The following AOPEP variants were observed in gnomAD, a reference collection of about 807,000 sequenced individuals.
AOPEP encodes the protein aminopeptidase O (putative), also known as aminopeptidase O.
In AOPEP, 77 loss-of-function variants were observed where a neutral mutation model predicts 98.1. The ratio of observed to expected loss-of-function variants is 0.78; its 90% CI spans 0.65 to 0.95. The LOEUF (loss-of-function observed/expected upper bound fraction) is 0.95. AOPEP is among the 40% of genes least tolerant of loss of function. The pLI is 0.00. For synonymous variants in AOPEP, 346 were observed against 365.3 expected (o/e 0.95, Z 0.60); for missense variants, 1,024 against 1,024.7 (o/e 1.00, Z 0.01).
chr9:95,105,773 C>T, the AOPEP span, among the ~76,000 whole-genome samples: 11 of 152,368 alleles, frequency 7.2e-5, no homozygotes, highest in East Asian at 1.3e-3. Context: ...ACAGTGTCTT[C>T]CAGGTTCATT....
At chr9:94,964,245 G>C (rs1333161782) in intron 9 of AOPEP, among the ~76,000 whole-genome samples, 1 of 152,196 alleles carries the variant, frequency 6.6e-6, no homozygotes, top group Non-Finnish European at 1.5e-5. Flanking sequence ...GTTGCCTGCA[G>C]GCCTGAGCTC....
chr9:95,144,316 C>G, the AOPEP span, among the ~76,000 whole-genome samples: 5 of 152,316 alleles, frequency 3.3e-5, no homozygotes, highest in African/African-American at 1.2e-4. Context: ...GAAGACCACC[C>G]AGCACTTCTG....
At chr9:95,077,179 TTA>T (rs1375697245) in intron 14 of AOPEP, among the ~76,000 whole-genome samples, 7 of 151,980 alleles carry the variant, frequency 4.6e-5, no homozygotes, top group African/African-American at 1.7e-4. Flanking sequence ...GGAGCCCAGG[TTA>T]TGTGTTTCTC....
chr9:95,099,516 G>C, the AOPEP span: 1 of 229,336 alleles, frequency 4.4e-6, no homozygotes, highest in Admixed American at 5.7e-5. Context: ...GCAACAAGAG[G>C]GGGAGGTGGG....
At chr9:94,764,811 A>T (rs1839182726) in intron 2 of AOPEP, among the ~76,000 whole-genome samples, 1 of 152,134 alleles carries the variant, frequency 6.6e-6, no homozygotes, top group East Asian at 1.9e-4. Context: ...TAATAGGGAA[A>T]GCTGAGTATG....
At chr9:94,745,800 G>A (rs577568746) in intron 1 of AOPEP, among the ~76,000 whole-genome samples, 1 of 152,204 alleles carries the variant, frequency 6.6e-6, no homozygotes, top group East Asian at 1.9e-4. Flanking sequence ...GCCAAATCTT[G>A]GCTATTGTGA....
chr9:94,858,981 T>C (rs1315882640), intron 5 of AOPEP, among the ~76,000 whole-genome samples: 2 of 149,150 alleles, frequency 1.3e-5, no homozygotes, highest in African/African-American at 5.0e-5. Flanking sequence ...TGAGCCAAGA[T>C]TGCAGCACTG....
In AOPEP at chr9:94,979,751, G is replaced by T. The variant is rs188076128; in HGVS notation, c.1977+324G>T. ...AACAGTTCCATGCCCCGTGGGGCAGGTGGTGGGGGGGCAGGTGGCAGGGGA... is the reference window on the plus strand; with the variant it reads ...AACAGTTCCATGCCCCGTGGGGCAGTTGGTGGGGGGGCAGGTGGCAGGGGA... On this transcript the variant is annotated intron_variant, in intron 11 of 16. Transcript: ENST00000375315. 4.1e-5 allele frequency among the ~76,000 whole-genome samples: 6 copies of T among 148,038 alleles called. No individual in the cohort carries two copies. The East Asian group carries it at 1.2e-3, about 29-fold the overall frequency.
chr9:94,767,359 G>A (rs967313832), intron 2 of AOPEP, among the ~76,000 whole-genome samples: 67 of 152,184 alleles, frequency 4.4e-4, no homozygotes, highest in Non-Finnish European at 8.8e-5. Flanking sequence ...AGGATGGACT[G>A]TATCAGTCTC....
chr9:95,129,770 C>T, the AOPEP span, among the ~76,000 whole-genome samples: 1 of 152,124 alleles, frequency 6.6e-6, no homozygotes, highest in Non-Finnish European at 1.5e-5. Context: ...TTGTCCTTCC[C>T]TCCTTATCTC....
chr9:94,794,466 C>T (rs1017525802), intron 4 of AOPEP, among the ~76,000 whole-genome samples: 23 of 152,268 alleles, frequency 1.5e-4, no homozygotes, highest in Admixed American at 5.2e-4. Flanking sequence ...TGTCATGCTG[C>T]TTTTACTAGT....
chr9:94,976,530 T>C (rs890192252), intron 10 of AOPEP, among the ~76,000 whole-genome samples: 6 of 152,228 alleles, frequency 3.9e-5, no homozygotes, highest in Non-Finnish European at 8.8e-5. Context: ...TTTACCTCCC[T>C]TGTGGGCTCT....
intron 9 of AOPEP, among the ~76,000 whole-genome samples, chr9:94,965,534 G>C (rs1429250129): frequency 6.6e-6 from 1 of 152,216 alleles, no homozygotes. Context: ...TCATACAAAT[G>C]GTTTGCAGAT....
At chr9:94,878,860 A>G (rs759785870) in intron 5 of AOPEP, among the ~76,000 whole-genome samples, 1 of 152,234 alleles carries the variant, frequency 6.6e-6, no homozygotes. Flanking sequence ...TTATCAAGAC[A>G]GGGGAATTGC....
At chr9:95,005,482 G>C (rs1400907273) in intron 12 of AOPEP, 60 bp from the exon 13 acceptor site, 3 of 1,484,264 alleles carry the variant, frequency 2.0e-6, no homozygotes, top group Non-Finnish European at 2.8e-6. Context: ...TTCTCGCGCT[G>C]GGGGATGGCC....
Position 94,731,790 on chromosome 9 carries a change from CTTTT to C in AOPEP, c.-136+5059_-136+5062del, listed in dbSNP as rs564831468. ...TTTTCCCTAGTCTGTTCTCTTTTGC[CTTTT>C]TTTTTTTTTTTTTTTTTTTGAGACG... On this transcript the variant is annotated intron_variant, in intron 1 of 16. Coordinates refer to ENST00000375315, the MANE Select transcript of AOPEP (RefSeq NM_001193329.3). 6.4e-4 allele frequency among the ~76,000 whole-genome samples: 55 copies of C among 86,270 alleles called. No individual in the cohort carries two copies. The East Asian group carries it at 0.013, about 21-fold the overall frequency. The allele number at this position is 86,270 out of a possible 152,430, so 56.6% of individuals were successfully genotyped here.
At chr9:94,944,303 T>C (rs1215072619) in intron 7 of AOPEP, among the ~76,000 whole-genome samples, 5 of 152,206 alleles carry the variant, frequency 3.3e-5, no homozygotes, top group African/African-American at 1.2e-4. Context: ...AACAGTATTA[T>C]TCATCATAGC....
intron 5 of AOPEP, among the ~76,000 whole-genome samples, chr9:94,914,210 G>GA (rs1361666478): frequency 6.6e-6 from 1 of 152,106 alleles, no homozygotes; most frequent in South Asian, 2.1e-4. Context: ...TGATAAGAAG[G>GA]AAAAAAACCA....
At chr9:94,960,881 G>A (rs546339734) in intron 9 of AOPEP, among the ~76,000 whole-genome samples, 2 of 152,110 alleles carry the variant, frequency 1.3e-5, no homozygotes, top group Non-Finnish European at 2.9e-5. Context: ...GCGCGGTGGG[G>A]GGCGCCTGTA....
Sources: allele counts gnomAD v4.1 joint callset (sites outside exome capture counted in the v4.1 genomes callset), GRCh38; gene constraint gnomAD v4.1.1; transcripts MANE v1.5; gene names NCBI Gene and HGNC (gene_info 2026-07-23, HGNC 2026-07-21).